The following WDR49 variants were observed in gnomAD, a reference collection of about 807,000 sequenced individuals.
The protein encoded by WDR49 is WD repeat domain 49.
A neutral mutation model predicts 119.5 loss-of-function variants in WDR49; 107 were observed. That is an observed-to-expected ratio of 0.90 (90% CI 0.77 to 1.05). WDR49 has a LOEUF of 1.05. Among genes scored for constraint, WDR49 ranks in the 50% least tolerant of loss-of-function variants. The probability of loss-of-function intolerance (pLI) is 0.00; values close to 1 mark genes in which losing one functional copy is unlikely to be tolerated. For missense variants in WDR49, 1,240 were observed against 1,220.5 expected, an observed-to-expected ratio of 1.02 and a Z score of -0.24; for synonymous variants, 425 against 418.8, an observed-to-expected ratio of 1.01 and a Z score of -0.18.
At chr3:167,652,329 A>C (rs1718426638) in intron 2 of WDR49, among the ~76,000 whole-genome samples, 1 of 152,212 alleles carries the variant, frequency 6.6e-6, no homozygotes, top group African/African-American at 2.4e-5. Flanking sequence ...ATTACAGGCT[A>C]ATATATTGTG....
At chr3:167,602,405 G>C (rs1343884696) in intron 6 of WDR49, 130 bp from the exon 7 acceptor site, 1 of 783,798 alleles carries the variant, frequency 1.3e-6, no homozygotes, top group Non-Finnish European at 1.9e-6. Context: ...TAATGCACCT[G>C]TTTTGCCATT....
intron 3 of WDR49, among the ~76,000 whole-genome samples, chr3:167,625,154 C>T (rs1355629952): frequency 1.3e-5 from 2 of 152,088 alleles, no homozygotes; most frequent in East Asian, 1.9e-4. Flanking sequence ...AAATAACTTG[C>T]CTTTTTGGAG....
At chr3:167,605,621 G>A (rs1177714937) in intron 5 of WDR49, among the ~76,000 whole-genome samples, 2 of 152,076 alleles carry the variant, frequency 1.3e-5, no homozygotes, top group Non-Finnish European at 2.9e-5. Context: ...ATGTATAATA[G>A]AATTTCAAAG....
chr3:167,569,417 C>A (rs1002134773), intron 8 of WDR49, among the ~76,000 whole-genome samples: 5 of 152,002 alleles, frequency 3.3e-5, no homozygotes, highest in Admixed American at 1.3e-4. Flanking sequence ...ACATACGTAT[C>A]TTTTATGCAT....
rs368325371 is a variant in WDR49, at chr3:167,551,390, C to T, written c.1823+3260G>A. On this transcript the variant is annotated intron_variant, in intron 10 of 18. Coordinates refer to ENST00000682715, the MANE Select transcript of WDR49 (RefSeq NM_001366157.1). ...ATCTGAGTTGTTGTTAAGTTGCTAC[C>T]ACATGTTTTTTTGTGTGTTTCTTCA... Among the ~76,000 whole-genome samples, 19 of 151,992 alleles carry T rather than the reference C, an allele frequency of 1.3e-4. 1 individual carries two copies. In the South Asian group the frequency reaches 3.3e-3, roughly 27 times the overall value.
intron 17 of WDR49, 92 bp from the exon 18 acceptor site, chr3:167,500,391 C>T: frequency 6.7e-7 from 1 of 1,482,638 alleles, no homozygotes. Context: ...TCCAAGTTAA[C>T]TTTTATAAAT....
At chr3:167,595,388 C>CA (rs1715366444) in intron 7 of WDR49, among the ~76,000 whole-genome samples, 2 of 152,016 alleles carry the variant, frequency 1.3e-5, no homozygotes, top group Admixed American at 1.3e-4. Flanking sequence ...CATATGGAAC[C>CA]AAAAAAGAGC....
chr3:167,598,993 C>T (rs1329278956), intron 7 of WDR49, among the ~76,000 whole-genome samples: 1 of 152,186 alleles, frequency 6.6e-6, no homozygotes, highest in African/African-American at 2.4e-5. Flanking sequence ...GACACAGGCA[C>T]TTATGTGGCC....
chr3:167,620,547 A>G lies in WDR49; in HGVS notation c.840T>C (p.Ser280=). The change falls in exon 5 of 19, where the codon AGT becomes AGC. Residue 280 remains serine, a synonymous_variant. Coordinates refer to ENST00000682715, the MANE Select transcript of WDR49 (RefSeq NM_001366157.1). ...TAGTGGCTTCTCCATCTTCACATGC[A>G]CTAGCAGGCCGTTCAAACAGGGAAA... ...ALISLFERPA[S]ACEDGEATMT... is the part of the protein sequence containing the mutation. The G allele has an allele frequency of 6.5e-7, 1 of 1,535,640 alleles. No individual in the cohort carries two copies. Among genetic ancestry groups the G allele is most frequent in the South Asian group, 1.2e-5 (1 of 84,000 alleles).
chr3:167,515,921 TC>T (rs1231063401), intron 16 of WDR49, among the ~76,000 whole-genome samples: 1 of 152,084 alleles, frequency 6.6e-6, no homozygotes, highest in Non-Finnish European at 1.5e-5. Context: ...AATACAGCTA[TC>T]AAGGAAAGTG....
At chr3:167,654,627 G>A (rs1362225556), upstream of WDR49, among the ~76,000 whole-genome samples, 1 of 152,216 alleles carries the variant, frequency 6.6e-6, no homozygotes, top group African/African-American at 2.4e-5. Flanking sequence ...CGGGCAAGGT[G>A]GCTCACGCCT....
At chr3:167,508,816 T>A (rs961678200) in intron 16 of WDR49, among the ~76,000 whole-genome samples, 1 of 152,218 alleles carries the variant, frequency 6.6e-6, no homozygotes, top group Non-Finnish European at 1.5e-5. Flanking sequence ...ATTCGTCAAG[T>A]ATTTACATCA....
chr3:167,583,560 T>G (rs941469859), intron 7 of WDR49, among the ~76,000 whole-genome samples: 1 of 152,022 alleles, frequency 6.6e-6, no homozygotes, highest in Non-Finnish European at 1.5e-5. Flanking sequence ...TAAAGCATAA[T>G]TTCTGTTGCC....
At chr3:167,608,465 A>G (rs950393633) in intron 5 of WDR49, among the ~76,000 whole-genome samples, 1 of 152,220 alleles carries the variant, frequency 6.6e-6, no homozygotes, top group Non-Finnish European at 1.5e-5. Flanking sequence ...TAAGATTTAA[A>G]TCTGCAGGTT....
At chr3:167,506,143 C>T (rs1751760647) in intron 16 of WDR49, among the ~76,000 whole-genome samples, 1 of 152,194 alleles carries the variant, frequency 6.6e-6, no homozygotes, top group South Asian at 2.1e-4. Flanking sequence ...GGGATCTTGA[C>T]TCACCCTCTT....
chr3:167,638,722 T>C (rs1006546325), intron 2 of WDR49, among the ~76,000 whole-genome samples: 2 of 151,650 alleles, frequency 1.3e-5, no homozygotes, highest in Non-Finnish European at 3.0e-5. Context: ...GCGCTCTTTT[T>C]TTCTTGCTTC....
chr3:167,610,810 T>A (rs1716303157), intron 5 of WDR49, among the ~76,000 whole-genome samples: 1 of 152,214 alleles, frequency 6.6e-6, no homozygotes, highest in Non-Finnish European at 1.5e-5. Flanking sequence ...CTTGTGTCAC[T>A]CCACCCCCAG....
intron 18 of WDR49, among the ~76,000 whole-genome samples, chr3:167,496,798 A>G (rs964339314): frequency 6.6e-6 from 1 of 152,150 alleles, no homozygotes; most frequent in African/African-American, 2.4e-5. Flanking sequence ...CAAAGACTCT[A>G]TGATATCACA....
At chr3:167,530,846 C>T (rs1201233667) in intron 13 of WDR49, among the ~76,000 whole-genome samples, 1 of 152,018 alleles carries the variant, frequency 6.6e-6, no homozygotes, top group South Asian at 2.1e-4. Flanking sequence ...GATTGTTGCC[C>T]GTATCCAATA....
Sources: allele counts gnomAD v4.1 joint callset (sites outside exome capture counted in the v4.1 genomes callset), GRCh38; gene constraint gnomAD v4.1.1; transcripts MANE v1.5; gene names NCBI Gene and HGNC (gene_info 2026-07-23, HGNC 2026-07-21).